MCM10: variants seen among roughly 807,000 people sequenced by gnomAD.
The protein encoded by MCM10 is protein MCM10 homolog.
Under a neutral mutation model 109.9 loss-of-function variants are expected in MCM10, and 91 were observed. The ratio of observed to expected loss-of-function variants is 0.83; its 90% CI spans 0.70 to 0.99. The LOEUF (loss-of-function observed/expected upper bound fraction) is 0.99, where lower values mean the gene tolerates loss of function less well. Among genes scored for constraint, MCM10 ranks in the 50% least tolerant of loss-of-function variants. The pLI is 0.00. For missense variants in MCM10, 1,077 were observed against 1,061.2 expected (o/e 1.01, Z -0.21); for synonymous variants, 380 against 387.2 (o/e 0.98, Z 0.22).
At chr10:13,184,413 C>G (rs1230546971) in intron 8 of MCM10, among the ~76,000 whole-genome samples, 1 of 152,192 alleles carries the variant, frequency 6.6e-6, no homozygotes, top group African/African-American at 2.4e-5. Context: ...GAATTTTCAT[C>G]TTCTCAAATA....
chr10:13,193,541 C>G (rs963325982), intron 13 of MCM10, among the ~76,000 whole-genome samples: 1 of 152,122 alleles, frequency 6.6e-6, no homozygotes, highest in African/African-American at 2.4e-5. Context: ...ATGTTGTGCT[C>G]TGGTGCTGAA....
intron 1 of MCM10, among the ~76,000 whole-genome samples, chr10:13,162,509 G>A (rs759863293): frequency 1.3e-5 from 2 of 152,206 alleles, no homozygotes; most frequent in Non-Finnish European, 2.9e-5. Context: ...GTTAAAGGTT[G>A]ACGGTGGCTT....
chr10:13,174,685 G>A (rs911614446), intron 5 of MCM10, among the ~76,000 whole-genome samples: 2 of 152,224 alleles, frequency 1.3e-5, no homozygotes, highest in African/African-American at 2.4e-5. Context: ...ATGGTCACAT[G>A]TGTCTGGTAG....
In MCM10 at chr10:13,201,415, T is replaced by C. The variant is rs1190860219; in HGVS notation, c.2239-6T>C. The C allele has an allele frequency of 2.5e-6, 4 of 1,602,788 alleles. No individual in the cohort carries two copies. The highest frequency in any genetic ancestry group is 2.7e-5 in the African/African-American group (2 of 74,616). On this transcript the variant is annotated splice_polypyrimidine_tract_variant and splice_region_variant and intron_variant, in intron 16 of 19. Coordinates refer to ENST00000378714, the MANE Select transcript of MCM10 (RefSeq NM_018518.5). ...CCAGGTCTTTCATTATGCCCTGTCA[T>C]TCCAGGCCGAGGCTGAGATGCAGGA...
rs114200933 is a variant in MCM10 at position 13,193,045 on chromosome 10, T to C, written c.1745+477T>C. On this transcript the variant is annotated intron_variant, in intron 13 of 19. Transcript: ENST00000378714. ...GGACTACAGGCATGTGCCACTATGC[T>C]TGGCTAATTTTTGTATTTTTTTATA... 3.3e-3 allele frequency among the ~76,000 whole-genome samples: 505 copies of C among 152,160 alleles called. 2 individuals are homozygous for C. The highest frequency in any genetic ancestry group is 0.011 in the African/African-American group (476 of 41,530).
At chr10:13,176,853 C>T (rs1252849436) in intron 6 of MCM10, among the ~76,000 whole-genome samples, 1 of 152,196 alleles carries the variant, frequency 6.6e-6, no homozygotes, top group African/African-American at 2.4e-5. Flanking sequence ...ATGATCATAC[C>T]ACTGCACTCC....
rs756026948 is a variant in MCM10, at chr10:13,180,463, A to G, written c.786A>G (p.Thr262=). 6.2e-7 allele frequency: 1 copy of G among 1,613,368 alleles called. No homozygotes were observed. Among genetic ancestry groups the G allele is most frequent in the Non-Finnish European group, 8.5e-7 (1 of 1,179,840 alleles). Reference sequence around the variant, plus strand: ...CCAGGCGGCCTCGAGTATCCTCCACAGAAATGAACAAGAAAATGACCGGCC... The same window carrying G: ...CCAGGCGGCCTCGAGTATCCTCCACGGAAATGAACAAGAAAATGACCGGCC... ...LRLRRPRVSS[T]EMNKKMTGRK... The change falls in exon 7 of 20, where the codon ACA becomes ACG. Residue 262 remains threonine (T), a synonymous_variant. Transcript: ENST00000378714.
In MCM10 at chr10:13,171,005, T is replaced by C; in HGVS notation, c.91T>C (p.Phe31Leu). 2 of 1,614,224 alleles carry C rather than the reference T, an allele frequency of 1.2e-6. No homozygotes were observed. Among genetic ancestry groups the C allele is most frequent in the Non-Finnish European group, 1.7e-6 (2 of 1,180,036 alleles). The change falls in exon 3 of 20, where the codon TTC becomes CTC. Residue 31 changes from phenylalanine (F) to leucine (L), a missense_variant. Phe to Leu is a conservative substitution (Grantham distance 22, BLOSUM62 0). Transcript: ENST00000378714. ...GGATTGTAATTCAGAAGAAAATAACTTCTTGACGCGGGAAAATGGCGAGCC... is the reference window on the plus strand; with the variant it reads ...GGATTGTAATTCAGAAGAAAATAACCTCTTGACGCGGGAAAATGGCGAGCC... ...ALDCNSEENN[F>L]LTRENGEPDA...
At chr10:13,175,059 C>T (rs1025152358) in intron 5 of MCM10, among the ~76,000 whole-genome samples, 9 of 151,644 alleles carry the variant, frequency 5.9e-5, no homozygotes, top group African/African-American at 1.7e-4. Flanking sequence ...ACCCTGGAGG[C>T]GGAGGTTGTG....
Position 13,180,424 on chromosome 10 carries a change from G to A in MCM10, c.765-18G>A, listed in dbSNP as rs777222728. 17 of 1,601,164 alleles carry A rather than the reference G, an allele frequency of 1.1e-5. No homozygotes were observed. Among genetic ancestry groups the A allele is most frequent in the African/African-American group, 9.5e-5 (7 of 73,932 alleles). On this transcript the variant is annotated intron_variant, in intron 6 of 19. Transcript: ENST00000378714. ...TTTATTAGAATCATAATTACTAATC[G>A]CTGGTTTCTTAACCCAGGCGGCCTC...
At chr10:13,200,642 C>G (rs1834485446) in intron 16 of MCM10, among the ~76,000 whole-genome samples, 2 of 152,210 alleles carry the variant, frequency 1.3e-5, no homozygotes, top group Admixed American at 1.3e-4. Context: ...CTAATCCCAT[C>G]GCTGCACCCA....
Position 13,191,240 on chromosome 10 carries a change from C to G in MCM10, c.1416-59C>G. On this transcript the variant is annotated intron_variant, in intron 10 of 19. Transcript: ENST00000378714. ...AATGATGATATCTATGCCTTCTTTA[C>G]CTCATCAGAGCATTGAGGCTTTAGT... 3 of 1,128,074 alleles carry G rather than the reference C, an allele frequency of 2.7e-6. No homozygotes were observed. In the South Asian group the frequency reaches 3.7e-5, roughly 14 times the overall value. 69.9% of individuals were successfully genotyped at this position (1,128,074 alleles called of 1,614,324 possible). A position where few individuals can be genotyped will look rare whatever the true frequency, so the allele number is the denominator to read the frequency against.
chr10:13,179,177 A>G (rs2091256155), intron 6 of MCM10, among the ~76,000 whole-genome samples: 3 of 152,056 alleles, frequency 2.0e-5, no homozygotes, highest in Admixed American at 6.6e-5. Flanking sequence ...TTCTTTTCCA[A>G]TTTGGATGCC....
At chr10:13,168,772 G>T (rs1834033821) in intron 2 of MCM10, among the ~76,000 whole-genome samples, 2 of 152,212 alleles carry the variant, frequency 1.3e-5, no homozygotes, top group Non-Finnish European at 2.9e-5. Context: ...TGACACATCA[G>T]ATATTGATGA....
In MCM10 at chr10:13,172,557, C is replaced by T; in HGVS notation, c.455-71C>T. 6.2e-7 allele frequency: 1 copy of T among 1,600,380 alleles called. No homozygotes were observed. The highest frequency in any genetic ancestry group is 8.6e-7 in the Non-Finnish European group (1 of 1,168,388). On this transcript the variant is annotated intron_variant, in intron 4 of 19. Transcript: ENST00000378714. The surrounding 1 kb of genome is among the most constrained non-coding windows in gnomAD (Gnocchi z 5.2). ...ATCACATCATTTCTGCATCCAACTC[C>T]TGTCCAAACAGCCCTTTGAACCTCT...
chr10:13,193,289 C>T (rs1834373106), intron 13 of MCM10, among the ~76,000 whole-genome samples: 2 of 148,596 alleles, frequency 1.3e-5, no homozygotes, highest in African/African-American at 5.1e-5. Context: ...TGTTACTTGG[C>T]TTCAGCCAAT....
At position 13,186,286 on chromosome 10, in the gene MCM10, T is replaced by G; in HGVS notation, c.1215+6T>G. On this transcript the variant is annotated splice_donor_region_variant and intron_variant, in intron 9 of 19. Coordinates refer to ENST00000378714, the MANE Select transcript of MCM10 (RefSeq NM_018518.5). ...GCACGCAGACTGTGAATTTGGTTGG[T>G]TTCAGCCTTGTTAGGATGGTTTCTG... The G allele has an allele frequency of 6.3e-7, 1 of 1,582,656 alleles. No individual in the cohort carries two copies. Among genetic ancestry groups the G allele is most frequent in the Non-Finnish European group, 8.7e-7 (1 of 1,152,484 alleles).
chr10:13,182,115 A>G lies in MCM10; in HGVS notation c.931-818A>G, dbSNP rs115053024. Among the ~76,000 whole-genome samples, 542 of 152,352 alleles carry G rather than the reference A, an allele frequency of 3.6e-3. 2 individuals carry two copies. The highest frequency in any genetic ancestry group is 0.012 in the African/African-American group (514 of 41,582). Reference sequence around the variant, plus strand: ...GTTAAACTCAACCAGTTTTCTTGAAATGATGCTTTTGTAAGCTAAGCAGAG... The same window carrying G: ...GTTAAACTCAACCAGTTTTCTTGAAGTGATGCTTTTGTAAGCTAAGCAGAG... On this transcript the variant is annotated intron_variant, in intron 7 of 19. Transcript: ENST00000378714. The surrounding 1 kb of genome is among the most constrained non-coding windows in gnomAD (Gnocchi z 4.2).
chr10:13,202,617 A>G (rs1010306627), intron 17 of MCM10, among the ~76,000 whole-genome samples: 4 of 152,322 alleles, frequency 2.6e-5, no homozygotes, highest in Admixed American at 6.5e-5. Context: ...GTCTTGGGGC[A>G]TAAGTAAAGA....
Sources: allele counts gnomAD v4.1 joint callset (sites outside exome capture counted in the v4.1 genomes callset), GRCh38; gene constraint gnomAD v4.1.1; non-coding constraint Gnocchi (gnomAD v3.1); transcripts MANE v1.5; gene names NCBI Gene and HGNC (gene_info 2026-07-23, HGNC 2026-07-21).